Variants in NR1I2 observed in about 807,000 individuals in gnomAD.
The protein encoded by NR1I2 is nuclear receptor subfamily 1 group I member 2, also known as orphan nuclear receptor PAR1.
Under a neutral mutation model 43.3 loss-of-function variants are expected in NR1I2, and 42 were observed. The observed-to-expected ratio is 0.97, with a 90% CI of 0.76 to 1.26. The LOEUF (loss-of-function observed/expected upper bound fraction) is 1.26, where lower values mean the gene tolerates loss of function less well. Ranked by LOEUF, NR1I2 falls within the 50% of genes most tolerant of loss-of-function variation. The probability of loss-of-function intolerance (pLI) is 0.00; values close to 1 mark genes in which losing one functional copy is unlikely to be tolerated. For missense variants in NR1I2, 559 were observed against 566.7 expected (o/e 0.99, Z 0.14); for synonymous variants, 229 against 215.0 (o/e 1.06, Z -0.57).
intron 1 of NR1I2, chr3:119,791,932 T>C: frequency 3.0e-6 from 2 of 661,460 alleles, no homozygotes; most frequent in East Asian, 6.2e-5. Context: ...AGAACTGTCA[T>C]CTTTGACCGA....
intron 1 of NR1I2, among the ~76,000 whole-genome samples, chr3:119,795,709 T>C (rs1357459): frequency 0.25 from 37,843 of 152,114 alleles, 5,715 homozygotes; most frequent in East Asian, 0.37. Context: ...GCCTTAGTTT[T>C]CCCTCTCTCT....
At chr3:119,790,520 A>G (rs2054904030) in intron 1 of NR1I2, among the ~76,000 whole-genome samples, 1 of 152,102 alleles carries the variant, frequency 6.6e-6, no homozygotes, top group Admixed American at 6.6e-5. Context: ...TTACATTCCT[A>G]CCACCTGAGT....
At position 119,812,915 on chromosome 3, in the gene NR1I2, T is replaced by C. The variant is rs759357800; in HGVS notation, c.749T>C (p.Met250Thr). 4.3e-6 allele frequency: 7 copies of C among 1,613,932 alleles called. No homozygotes were observed. The African/African-American group carries it at 5.3e-5, about 12-fold the overall frequency. Residue 250 changes from methionine to threonine, a missense_variant, in exon 5 of 9, where the codon ATG becomes ACG. Coordinates refer to ENST00000393716, the MANE Select transcript of NR1I2 (RefSeq NM_003889.4). ...CACATGGCTGACATGTCAACCTACATGTTCAAAGGCATCATCAGCTTTGCC... is the reference window on the plus strand; with the variant it reads ...CACATGGCTGACATGTCAACCTACACGTTCAAAGGCATCATCAGCTTTGCC...
intron 5 of NR1I2, among the ~76,000 whole-genome samples, chr3:119,813,846 A>C (rs2055279956): frequency 1.3e-5 from 2 of 152,190 alleles, no homozygotes; most frequent in African/African-American, 2.4e-5. Context: ...CCAGTGACTG[A>C]CAATTTAACA....
At chr3:119,792,278 C>A (rs538446984) in intron 1 of NR1I2, 2 of 1,525,016 alleles carry the variant, frequency 1.3e-6, no homozygotes, top group Non-Finnish European at 1.8e-6. Flanking sequence ...TGAGCGACGA[C>A]CTTATGGAGC....
intron 1 of NR1I2, chr3:119,791,888 G>T: frequency 1.6e-6 from 1 of 614,690 alleles, no homozygotes; most frequent in South Asian, 1.4e-5. Flanking sequence ...AAGGCATGGT[G>T]AACTCTGCCT....
rs943314493 is a variant in NR1I2, at chr3:119,812,333, G to T, written c.520-353G>T. 2.4e-4 allele frequency among the ~76,000 whole-genome samples: 36 copies of T among 152,110 alleles called. 1 individual carries two copies. The highest frequency in any genetic ancestry group is 8.8e-5 in the Non-Finnish European group (6 of 68,010). On this transcript the variant is annotated intron_variant, in intron 4 of 8. Transcript: ENST00000393716. ...CTCAGATCTGCTCTTCCCATCCATA[G>T]CACCCTAAACCTTCTGAGTCTCCTG...
intron 5 of NR1I2, among the ~76,000 whole-genome samples, chr3:119,813,285 C>A (rs990488481): frequency 6.6e-6 from 1 of 152,188 alleles, no homozygotes; most frequent in African/African-American, 2.4e-5. Context: ...TTCAGATAGT[C>A]TTTTGTACTC....
intron 1 of NR1I2, chr3:119,792,227 T>C: frequency 6.5e-7 from 1 of 1,531,960 alleles, no homozygotes; most frequent in Non-Finnish European, 9.0e-7. Flanking sequence ...GCTTTGATGC[T>C]GGAGAACTAA....
intron 5 of NR1I2, 40 bp downstream of exon 5, chr3:119,813,000 C>T (rs1445475263): frequency 3.7e-6 from 6 of 1,604,918 alleles, no homozygotes; most frequent in Non-Finnish European, 5.1e-6. Context: ...TGGAAAAGAA[C>T]TGGAAGTGGC....
At chr3:119,783,307 T>C (rs1444415217) in intron 1 of NR1I2, among the ~76,000 whole-genome samples, 1 of 152,188 alleles carries the variant, frequency 6.6e-6, no homozygotes, top group East Asian at 1.9e-4. Flanking sequence ...AATGAAGCTT[T>C]ATTGGAACAC....
chr3:119,813,722 G>C (rs1287728249), intron 5 of NR1I2, among the ~76,000 whole-genome samples: 1 of 152,100 alleles, frequency 6.6e-6, no homozygotes, highest in Non-Finnish European at 1.5e-5. Context: ...TTATTTAATG[G>C]GGTGATGCTG....
rs562056218 is a variant in NR1I2 at position 119,812,405 on chromosome 3, C to G, written c.520-281C>G. Reference sequence around the variant, plus strand: ...GGGATGACACACCATGGTTGCAGTCCCCCTTACCCTCCATTTTAACCAAGC... The same window carrying G: ...GGGATGACACACCATGGTTGCAGTCGCCCTTACCCTCCATTTTAACCAAGC... On this transcript the variant is annotated intron_variant, in intron 4 of 8. Transcript: ENST00000393716. Among the ~76,000 whole-genome samples, 16 of 152,248 alleles carry G rather than the reference C, an allele frequency of 1.1e-4. No homozygotes were observed. In the East Asian group the frequency reaches 3.1e-3, roughly 29 times the overall value.
Position 119,818,272 on chromosome 3 carries a change from C to T in NR1I2, c.*1060C>T. The T allele has an allele frequency of 1.0e-6, 1 of 985,494 alleles. No homozygotes were observed. Among genetic ancestry groups the T allele is most frequent in the East Asian group, 1.1e-4 (1 of 8,810 alleles). The allele number at this position is 985,494 out of a possible 1,614,324, so 61.0% of individuals were successfully genotyped here. ...ACCGGAGAAGAACCATTTACATGCACCTTATATTTCTGTGTACACATCTAT... is the reference window on the plus strand; with the variant it reads ...ACCGGAGAAGAACCATTTACATGCATCTTATATTTCTGTGTACACATCTAT... On this transcript the variant is annotated 3_prime_UTR_variant, in exon 9 of 9. Transcript: ENST00000393716.
In NR1I2 at chr3:119,817,513, G is replaced by A; in HGVS notation, c.*301G>A. On this transcript the variant is annotated 3_prime_UTR_variant, in exon 9 of 9. Transcript: ENST00000393716. ...GCCCTTTCCTTTTAAAAGGCCCTGTGGTCTGGGGAGAAATCCCTCAGATCC... is the reference window on the plus strand; with the variant it reads ...GCCCTTTCCTTTTAAAAGGCCCTGTAGTCTGGGGAGAAATCCCTCAGATCC... 1.1e-5 allele frequency: 14 copies of A among 1,258,402 alleles called. No homozygotes were observed. Among genetic ancestry groups the A allele is most frequent in the Non-Finnish European group, 1.2e-5 (12 of 987,256 alleles). 78.0% of individuals were successfully genotyped at this position (1,258,402 alleles called of 1,614,324 possible).
At position 119,804,466 on chromosome 3, in the gene NR1I2, C is replaced by T. The variant is rs559898635; in HGVS notation, c.-22-2763C>T. Reference sequence around the variant, plus strand: ...TATTTTTTTTTTTTTTTTTTTGAGACGAAGTTTTGTTCTTATCGTCCAGGC... The same window carrying T: ...TATTTTTTTTTTTTTTTTTTTGAGATGAAGTTTTGTTCTTATCGTCCAGGC... On this transcript the variant is annotated intron_variant, in intron 1 of 8. Transcript: ENST00000393716. Among the ~76,000 whole-genome samples the T allele has an allele frequency of 1.5e-4, 17 of 113,924 alleles. 1 individual carries two copies. Among genetic ancestry groups the T allele is most frequent in the East Asian group, 7.8e-4 (3 of 3,850 alleles). 74.7% of individuals were successfully genotyped at this position (113,924 alleles called of 152,430 possible).
rs1160848348 is a variant in NR1I2 at position 119,811,660 on chromosome 3, C to T, written c.453C>T (p.Ile151=). 11 of 1,613,866 alleles carry T rather than the reference C, an allele frequency of 6.8e-6. No homozygotes were observed. Among genetic ancestry groups the T allele is most frequent in the Non-Finnish European group, 9.3e-6 (11 of 1,179,952 alleles). Residue 151 remains isoleucine, a synonymous_variant, in exon 4 of 9, where the codon ATC becomes ATT. Coordinates refer to ENST00000393716, the MANE Select transcript of NR1I2 (RefSeq NM_003889.4). ...TGACAGAGGAGCAGCGGATGATGAT[C>T]AGGGAGCTGATGGACGCTCAGATGA...
intron 2 of NR1I2, among the ~76,000 whole-genome samples, chr3:119,809,853 C>T (rs993596264): frequency 2.0e-5 from 3 of 152,164 alleles, no homozygotes; most frequent in African/African-American, 7.2e-5. Flanking sequence ...GTCTCCTCCC[C>T]GGCTCTGCCC....
intron 4 of NR1I2, among the ~76,000 whole-genome samples, chr3:119,812,187 G>A (rs904218989): frequency 6.6e-6 from 1 of 152,096 alleles, no homozygotes; most frequent in Non-Finnish European, 1.5e-5. Flanking sequence ...TTTGTGAACT[G>A]GTGTTTCTTG....
Sources: allele counts gnomAD v4.1 joint callset (sites outside exome capture counted in the v4.1 genomes callset), GRCh38; gene constraint gnomAD v4.1.1; transcripts MANE v1.5; gene names NCBI Gene and HGNC (gene_info 2026-07-23, HGNC 2026-07-21).